Variants in CPA6 observed in about 807,000 individuals in gnomAD.
The protein encoded by CPA6 is carboxypeptidase B.
CPA6 carries 58 observed loss-of-function variants against 63.3 expected under a neutral mutation model. The observed-to-expected ratio is 0.92, with a 90% CI of 0.74 to 1.14. The LOEUF is 1.14. CPA6 is among the 50% of genes most tolerant of loss of function. CPA6 has a pLI of 0.00. For missense variants in CPA6, 565 were observed against 526.6 expected (o/e 1.07, Z -0.71); for synonymous variants, 185 against 179.0 (o/e 1.03, Z -0.27).
chr8:67,569,628 T>C, intron 2 of CPA6: 1 of 415,656 alleles, frequency 2.4e-6, no homozygotes, highest in Non-Finnish European at 5.0e-6. Flanking sequence ...CAAAACAGAA[T>C]TGGAGTGAAA....
intron 9 of CPA6, among the ~76,000 whole-genome samples, chr8:67,431,603 T>TA (rs561315351): frequency 3.9e-5 from 6 of 151,984 alleles, no homozygotes; most frequent in East Asian, 3.9e-4. Flanking sequence ...AGTGCCCACG[T>TA]AAAAAAAAGT....
intron 2 of CPA6, among the ~76,000 whole-genome samples, chr8:67,580,479 T>C (rs1813743113): frequency 6.6e-6 from 1 of 152,258 alleles, no homozygotes; most frequent in Non-Finnish European, 1.5e-5. Flanking sequence ...AGCCTCAATG[T>C]CTTTAAAGTA....
intron 1 of CPA6, among the ~76,000 whole-genome samples, chr8:67,683,260 A>G (rs1480206620): frequency 6.6e-6 from 1 of 152,204 alleles, no homozygotes; most frequent in African/African-American, 2.4e-5. Context: ...CTGCTACTCC[A>G]TCTTGGTCAG....
At chr8:67,480,777 A>C (rs1811341700) in intron 8 of CPA6, among the ~76,000 whole-genome samples, 2 of 152,186 alleles carry the variant, frequency 1.3e-5, no homozygotes, top group Non-Finnish European at 1.5e-5. Flanking sequence ...AGCATTTTAC[A>C]TTCTCACCAG....
intron 2 of CPA6, among the ~76,000 whole-genome samples, chr8:67,552,624 T>C (rs1812969377): frequency 6.6e-6 from 1 of 151,328 alleles, no homozygotes; most frequent in African/African-American, 2.4e-5. Context: ...ATACAAAAAA[T>C]TAGCTGGACG....
At chr8:67,430,177 ATTTTG>A (rs931849666) in intron 9 of CPA6, among the ~76,000 whole-genome samples, 14 of 113,752 alleles carry the variant, frequency 1.2e-4, no homozygotes, top group African/African-American at 5.5e-4. Flanking sequence ...GTGTGTATAT[ATTTTG>A]TTTTTTTTTT....
chr8:67,648,923 G>A (rs951580177), intron 1 of CPA6, among the ~76,000 whole-genome samples: 4 of 151,996 alleles, frequency 2.6e-5, no homozygotes, highest in Non-Finnish European at 4.4e-5. Flanking sequence ...TGTGTTCCTC[G>A]GTTTGGGGAT....
At chr8:67,736,284 A>G (rs992962794) in intron 1 of CPA6, among the ~76,000 whole-genome samples, 1 of 152,204 alleles carries the variant, frequency 6.6e-6, no homozygotes, top group Admixed American at 6.5e-5. Flanking sequence ...ACACTCCTTT[A>G]ACTCTATCAG....
At chr8:67,589,399 G>A (rs1814042569) in intron 2 of CPA6, among the ~76,000 whole-genome samples, 1 of 152,170 alleles carries the variant, frequency 6.6e-6, no homozygotes, top group South Asian at 2.1e-4. Context: ...ATGCGATGGA[G>A]AAGGAAATAT....
At chr8:67,653,604 C>G (rs1321026093) in intron 1 of CPA6, among the ~76,000 whole-genome samples, 4 of 152,038 alleles carry the variant, frequency 2.6e-5, no homozygotes, top group Admixed American at 6.6e-5. Context: ...TATCCTGAGA[C>G]TTTGCTGAAG....
intron 2 of CPA6, among the ~76,000 whole-genome samples, chr8:67,592,774 C>CT (rs987010760): frequency 6.6e-6 from 1 of 152,026 alleles, no homozygotes; most frequent in South Asian, 2.1e-4. Context: ...TGATTCTTCT[C>CT]TTTTTTCTTT....
At chr8:67,611,088 CTT>C (rs10561387) in intron 2 of CPA6, among the ~76,000 whole-genome samples, 33,013 of 146,652 alleles carry the variant, frequency 0.23, 4,508 homozygotes, top group African/African-American at 0.39. Flanking sequence ...TTCACTCCTT[CTT>C]TTTTTTTTTT....
intron 1 of CPA6, among the ~76,000 whole-genome samples, chr8:67,676,743 T>C (rs1816482649): frequency 6.6e-6 from 1 of 152,212 alleles, no homozygotes; most frequent in South Asian, 2.1e-4. Flanking sequence ...TTTATGTTAA[T>C]TGAAAAGTTA....
intron 1 of CPA6, among the ~76,000 whole-genome samples, chr8:67,721,626 G>T (rs538914131): frequency 8.5e-5 from 13 of 152,222 alleles, no homozygotes; most frequent in African/African-American, 2.4e-4. Context: ...GAGGTGCAGG[G>T]TTATACTTTC....
intron 6 of CPA6, among the ~76,000 whole-genome samples, chr8:67,495,790 C>T (rs946195303): frequency 2.0e-5 from 3 of 152,086 alleles, no homozygotes; most frequent in African/African-American, 4.8e-5. Context: ...TGGGCTCAAG[C>T]GATCCTTCCA....
intron 8 of CPA6, among the ~76,000 whole-genome samples, chr8:67,470,028 C>CTTT (rs756750835): frequency 1.4e-5 from 2 of 143,030 alleles, no homozygotes; most frequent in Non-Finnish European, 1.5e-5. Context: ...ATCATGTTTC[C>CTTT]TTTTTTTTTT....
chr8:67,683,531 A>T (rs1191072375), intron 1 of CPA6, among the ~76,000 whole-genome samples: 1 of 152,112 alleles, frequency 6.6e-6, no homozygotes, highest in African/African-American at 2.4e-5. Context: ...GACATACAAG[A>T]TCCTCTACAA....
intron 1 of CPA6, among the ~76,000 whole-genome samples, chr8:67,721,179 C>A (rs1390215822): frequency 1.3e-5 from 2 of 152,214 alleles, no homozygotes; most frequent in East Asian, 3.9e-4. Flanking sequence ...TAAAGCTGAG[C>A]ACTCTGGCTA....
intron 1 of CPA6, among the ~76,000 whole-genome samples, chr8:67,741,366 C>A (rs1817909618): frequency 6.6e-6 from 1 of 152,198 alleles, no homozygotes; most frequent in African/African-American, 2.4e-5. Context: ...AGGATGTTCA[C>A]CTCTCCTTCT....
Sources: gnomAD v4.1 joint callset for allele counts (sites outside exome capture counted in the v4.1 genomes callset) on GRCh38, gnomAD v4.1.1 for gene constraint, MANE v1.5 for transcripts, NCBI Gene and HGNC (gene_info 2026-07-23, HGNC 2026-07-21) for gene names.